Variants in PPFIBP1 observed in about 807,000 individuals in gnomAD.
PPFIBP1 encodes the protein PPFIB scaffold protein 1.
In PPFIBP1, 112 loss-of-function variants were observed where a neutral mutation model predicts 137.8. That is an observed-to-expected ratio of 0.81 (90% confidence interval 0.70 to 0.95). PPFIBP1 has a LOEUF of 0.95. Ranked by LOEUF, PPFIBP1 falls within the 40% of genes least tolerant of loss-of-function variation. The probability of loss-of-function intolerance (pLI) is 0.00; values close to 1 mark genes in which losing one functional copy is unlikely to be tolerated. For synonymous variants in PPFIBP1, 378 were observed against 417.3 expected (o/e 0.91, Z 1.15); for missense variants, 1,083 against 1,196.6 (o/e 0.91, Z 1.40).
intron 2 of PPFIBP1, among the ~76,000 whole-genome samples, chr12:27,604,975 C>G (rs567055851): frequency 6.6e-6 from 1 of 152,212 alleles, no homozygotes; most frequent in Non-Finnish European, 1.5e-5. Flanking sequence ...CTCATGAGAC[C>G]CATTCACTAT....
Position 27,650,121 on chromosome 12 carries a change from G to C in PPFIBP1, c.583G>C (p.Asp195His), listed in dbSNP as rs370323116. The C allele has an allele frequency of 3.7e-6, 6 of 1,606,408 alleles. No homozygotes were observed. The highest frequency in any genetic ancestry group is 5.1e-6 in the Non-Finnish European group (6 of 1,173,576). Reference sequence around the variant, plus strand: ...AGAGAAGGACAGATTGGATTATGAAGATAAGTTCAGAGACACAGAGGTGAG... The same window carrying C: ...AGAGAAGGACAGATTGGATTATGAACATAAGTTCAGAGACACAGAGGTGAG... ...AVEKDRLDYEDKFRDTEGLIQ... is the reference protein window; with the variant it reads ...AVEKDRLDYEHKFRDTEGLIQ... The change falls in exon 7 of 30, where the codon GAT (aspartate) becomes CAT (histidine). Residue 195 changes from aspartate (D) to histidine (H), a missense_variant. Asp to His is a moderately conservative substitution (Grantham distance 81). Transcript: ENST00000228425.
At chr12:27,617,880 A>T (rs1369175780) in intron 2 of PPFIBP1, among the ~76,000 whole-genome samples, 1 of 152,192 alleles carries the variant, frequency 6.6e-6, no homozygotes, top group Non-Finnish European at 1.5e-5. Flanking sequence ...AATCCTGACT[A>T]TATTGATCAT....
chr12:27,603,953 T>C (rs1445290780), intron 2 of PPFIBP1, among the ~76,000 whole-genome samples: 2 of 152,180 alleles, frequency 1.3e-5, no homozygotes, highest in Non-Finnish European at 2.9e-5. Context: ...TACTGTTACT[T>C]ACATCAGAGG....
intron 1 of PPFIBP1, among the ~76,000 whole-genome samples, chr12:27,554,934 C>T (rs1033229225): frequency 1.3e-5 from 2 of 151,798 alleles, no homozygotes; most frequent in African/African-American, 4.8e-5. Flanking sequence ...TTAAGGGAGA[C>T]AGGGCTGCTA....
intron 2 of PPFIBP1, among the ~76,000 whole-genome samples, chr12:27,608,568 T>TA (rs908391336): frequency 1.7e-4 from 26 of 152,350 alleles, no homozygotes; most frequent in African/African-American, 6.3e-4. Context: ...ACCTCTTAAG[T>TA]AAAAGCATTT....
intron 2 of PPFIBP1, among the ~76,000 whole-genome samples, chr12:27,610,398 A>T (rs2054971233): frequency 6.6e-6 from 1 of 152,186 alleles, no homozygotes; most frequent in Non-Finnish European, 1.5e-5. Flanking sequence ...TTGAAGACCA[A>T]GTGTGATTTA....
At chr12:27,573,274 A>G (rs1002576546) in intron 1 of PPFIBP1, among the ~76,000 whole-genome samples, 8 of 152,200 alleles carry the variant, frequency 5.3e-5, no homozygotes, top group African/African-American at 1.9e-4. Context: ...ACCCGAATGA[A>G]TGGGTGGTGG....
At chr12:27,570,829 C>T (rs1360087206) in intron 1 of PPFIBP1, among the ~76,000 whole-genome samples, 7 of 152,076 alleles carry the variant, frequency 4.6e-5, no homozygotes, top group African/African-American at 1.2e-4. Context: ...AGGAGAATGG[C>T]GTGAACCCGG....
intron 9 of PPFIBP1, among the ~76,000 whole-genome samples, chr12:27,658,232 C>T (rs1332379678): frequency 1.3e-5 from 2 of 151,882 alleles, no homozygotes; most frequent in African/African-American, 2.4e-5. Context: ...TCTGAGGACT[C>T]GAACCAACCT....
At chr12:27,563,054 A>T (rs962702265) in intron 1 of PPFIBP1, among the ~76,000 whole-genome samples, 1 of 151,520 alleles carries the variant, frequency 6.6e-6, no homozygotes, top group Non-Finnish European at 1.5e-5. Context: ...TTGCAGATGG[A>T]ATTAAGGTTA....
At chr12:27,679,304 C>T (rs943679301) in intron 19 of PPFIBP1, among the ~76,000 whole-genome samples, 185 bp from the exon 20 acceptor site, 2 of 152,212 alleles carry the variant, frequency 1.3e-5, no homozygotes, top group South Asian at 2.1e-4. Flanking sequence ...ATTAAGTTTA[C>T]ACACAGTAAA....
intron 2 of PPFIBP1, among the ~76,000 whole-genome samples, chr12:27,629,410 T>TC (rs961128228): frequency 1.3e-5 from 2 of 152,180 alleles, no homozygotes; most frequent in African/African-American, 4.8e-5. Context: ...CTCCTTTCAG[T>TC]CACTCACCAT....
intron 1 of PPFIBP1, among the ~76,000 whole-genome samples, chr12:27,567,320 C>A (rs2049765473): frequency 6.6e-6 from 1 of 152,116 alleles, no homozygotes; most frequent in South Asian, 2.1e-4. Context: ...CCTAATGAAA[C>A]CCTAATTTAA....
At chr12:27,601,280 A>G (rs1366629375) in intron 2 of PPFIBP1, among the ~76,000 whole-genome samples, 5 of 152,232 alleles carry the variant, frequency 3.3e-5, no homozygotes, top group African/African-American at 1.2e-4. Flanking sequence ...AATTATTGTG[A>G]CAAGGACTTC....
At chr12:27,544,545 G>GA (rs139750459) in intron 1 of PPFIBP1, among the ~76,000 whole-genome samples, 1 of 151,962 alleles carries the variant, frequency 6.6e-6, no homozygotes, top group Non-Finnish European at 1.5e-5. Flanking sequence ...AAATTTACAA[G>GA]AAAAAAACAA....
intron 1 of PPFIBP1, among the ~76,000 whole-genome samples, chr12:27,557,545 C>T: frequency 6.6e-6 from 1 of 152,080 alleles, no homozygotes; most frequent in Admixed American, 6.5e-5. Flanking sequence ...ATCATGGTAA[C>T]AATATTGAAC....
intron 7 of PPFIBP1, among the ~76,000 whole-genome samples, chr12:27,653,088 C>T (rs2058975676): frequency 2.3e-4 from 1 of 4,276 alleles, no homozygotes; most frequent in African/African-American, 5.6e-4. Context: ...TAAGGGTTTA[C>T]TGGGAAGTGT....
intron 2 of PPFIBP1, among the ~76,000 whole-genome samples, chr12:27,602,750 C>A (rs561317714): frequency 1.3e-5 from 2 of 152,128 alleles, no homozygotes; most frequent in Non-Finnish European, 2.9e-5. Context: ...TGCTAACTAC[C>A]CCAGGGTATA....
chr12:27,648,301 C>A (rs551622009), intron 6 of PPFIBP1, among the ~76,000 whole-genome samples: 1 of 152,122 alleles, frequency 6.6e-6, no homozygotes, highest in Non-Finnish European at 1.5e-5. Flanking sequence ...TAATGAGATA[C>A]TATCTCACCC....
Sources: allele counts gnomAD v4.1 joint callset (sites outside exome capture counted in the v4.1 genomes callset), GRCh38; gene constraint gnomAD v4.1.1; transcripts MANE v1.5; gene names NCBI Gene and HGNC (gene_info 2026-07-23, HGNC 2026-07-21).